The following LYPD6 variants were observed in gnomAD, a reference collection of about 807,000 sequenced individuals.
LYPD6 encodes the protein ly6/PLAUR domain-containing protein 6.
A neutral mutation model predicts 22.7 loss-of-function variants in LYPD6; 15 were observed. The ratio of observed to expected loss-of-function variants is 0.66; its 90% confidence interval spans 0.44 to 1.02. The LOEUF (loss-of-function observed/expected upper bound fraction) is 1.02, where lower values mean the gene tolerates loss of function less well. LYPD6 is among the 50% of genes least tolerant of loss of function. The probability of loss-of-function intolerance (pLI) is 0.00; values close to 1 mark genes in which losing one functional copy is unlikely to be tolerated. For synonymous variants in LYPD6, 72 were observed against 77.5 expected (o/e 0.93, Z 0.37); for missense variants, 189 against 208.4 (o/e 0.91, Z 0.57).
At chr2:149,360,306 C>T (rs1681547086) in intron 1 of LYPD6, among the ~76,000 whole-genome samples, 1 of 152,178 alleles carries the variant, frequency 6.6e-6, no homozygotes, top group South Asian at 2.1e-4. Context: ...TTTGTACCAG[C>T]CTCCTATCTC....
rs538078416 is a variant in LYPD6 at position 149,470,486 on chromosome 2, G to A, written c.349-197G>A. On this transcript the variant is annotated intron_variant, in intron 4 of 4. Transcript: ENST00000334166. ...CTAGCTCTCTTGAAGTTTGGCCTGG[G>A]GAGTTTTCATGTTGACCAGATTGCT... Among the ~76,000 whole-genome samples, 5 of 152,090 alleles carry A rather than the reference G, an allele frequency of 3.3e-5. No individual in the cohort carries two copies. In the East Asian group the frequency reaches 7.7e-4, roughly 23 times the overall value.
intron 1 of LYPD6, among the ~76,000 whole-genome samples, chr2:149,424,632 G>A (rs905006395): frequency 2.0e-5 from 3 of 152,104 alleles, no homozygotes; most frequent in African/African-American, 7.2e-5. Flanking sequence ...GGGGATGGGA[G>A]GCTTTCTAAA....
chr2:149,375,714 T>A (rs1022056880), intron 1 of LYPD6, among the ~76,000 whole-genome samples: 4 of 152,194 alleles, frequency 2.6e-5, no homozygotes, highest in African/African-American at 9.6e-5. Context: ...ACAGTGTTGT[T>A]ATTATTGCTG....
Position 149,383,649 on chromosome 2 carries a change from C to T in LYPD6, c.-72+52927C>T, listed in dbSNP as rs143052435. Among the ~76,000 whole-genome samples the T allele has an allele frequency of 5.6e-3, 846 of 152,256 alleles. 5 individuals are homozygous for T. Among genetic ancestry groups the T allele is most frequent in the Non-Finnish European group, 7.4e-3 (503 of 68,000 alleles). ...AAGCCTTCCATGTACTGTGTAAAAA[C>T]CATAGAAAGAACCAGTTTGGTAAAT... On this transcript the variant is annotated intron_variant, in intron 1 of 4. Transcript: ENST00000334166.
intron 1 of LYPD6, among the ~76,000 whole-genome samples, chr2:149,353,593 A>C (rs1452900965): frequency 6.6e-6 from 1 of 152,206 alleles, no homozygotes; most frequent in Admixed American, 6.5e-5. Flanking sequence ...TTTTACTTAC[A>C]GATGGTCGGT....
chr2:149,478,963 C>G (rs1681482266), downstream of LYPD6, among the ~76,000 whole-genome samples: 1 of 152,128 alleles, frequency 6.6e-6, no homozygotes, highest in Admixed American at 6.5e-5. Context: ...CTCTTTAGTA[C>G]CCTCTACAGC....
intron 1 of LYPD6, among the ~76,000 whole-genome samples, chr2:149,335,178 C>T (rs1183338625): frequency 6.6e-6 from 1 of 151,898 alleles, no homozygotes; most frequent in Admixed American, 6.6e-5. Flanking sequence ...TCAGGCAGGT[C>T]CTTCAGGAGG....
At chr2:149,336,679 G>A (rs1681040428) in intron 1 of LYPD6, among the ~76,000 whole-genome samples, 1 of 152,130 alleles carries the variant, frequency 6.6e-6, no homozygotes, top group Non-Finnish European at 1.5e-5. Flanking sequence ...TATGGGATTG[G>A]AAGTGATTTT....
intron 3 of LYPD6, among the ~76,000 whole-genome samples, chr2:149,452,704 T>A (rs1350284016): frequency 6.6e-6 from 1 of 152,250 alleles, no homozygotes; most frequent in East Asian, 1.9e-4. Context: ...ATTCACTGAA[T>A]GTCAAGAATT....
intron 1 of LYPD6, among the ~76,000 whole-genome samples, chr2:149,424,927 G>C (rs1226295253): frequency 1.3e-5 from 2 of 152,096 alleles, no homozygotes; most frequent in Non-Finnish European, 2.9e-5. Context: ...ACAGAATTGG[G>C]CCCTAGTTGC....
intron 1 of LYPD6, chr2:149,368,037 TATGGAAGAGACACAG>T (rs1318943486): frequency 6.6e-6 from 1 of 152,156 alleles, no homozygotes; most frequent in African/African-American, 2.4e-5. Flanking sequence ...CTTACAGTCT[TATGGAAGAGACACAG>T]ATGGAAGTGC....
the LYPD6 span, among the ~76,000 whole-genome samples, chr2:149,479,909 C>A: frequency 6.6e-6 from 1 of 152,128 alleles, no homozygotes; most frequent in African/African-American, 2.4e-5. Context: ...TCTCTATGGG[C>A]CAGCAAGTCC....
chr2:149,476,723 T>C (rs1681453540), downstream of LYPD6, among the ~76,000 whole-genome samples: 1 of 152,228 alleles, frequency 6.6e-6, no homozygotes, highest in South Asian at 2.1e-4. Flanking sequence ...GTCTTGCTCC[T>C]CTTCCATCTA....
chr2:149,407,246 G>A lies in LYPD6; in HGVS notation c.-71-30392G>A, dbSNP rs561664866. On this transcript the variant is annotated intron_variant, in intron 1 of 4. Coordinates refer to ENST00000334166, the MANE Select transcript of LYPD6 (RefSeq NM_194317.5). ...TCTTCTGGAGGAGTATCTTTGTGGCGTTCTCTGTATTTCCTGAATCTGAAT... is the reference window on the plus strand; with the variant it reads ...TCTTCTGGAGGAGTATCTTTGTGGCATTCTCTGTATTTCCTGAATCTGAAT... Among the ~76,000 whole-genome samples the A allele has an allele frequency of 4.6e-5, 7 of 152,184 alleles. 1 individual carries two copies. The highest frequency in any genetic ancestry group is 2.0e-4 in the Admixed American group (3 of 15,286).
At chr2:149,421,660 T>C (rs1192589590) in intron 1 of LYPD6, among the ~76,000 whole-genome samples, 1 of 152,202 alleles carries the variant, frequency 6.6e-6, no homozygotes, top group Non-Finnish European at 1.5e-5. Context: ...ATTTTCCATG[T>C]AACCAATGTA....
chr2:149,362,233 T>A (rs1246048859), intron 1 of LYPD6, among the ~76,000 whole-genome samples: 1 of 152,116 alleles, frequency 6.6e-6, no homozygotes, highest in African/African-American at 2.4e-5. Context: ...GAAAAATATT[T>A]TTTTCTCTAC....
chr2:149,479,588 C>T, the LYPD6 span, among the ~76,000 whole-genome samples: 1 of 152,172 alleles, frequency 6.6e-6, no homozygotes, highest in Non-Finnish European at 1.5e-5. Flanking sequence ...TTGTGTGGAC[C>T]AGAAACCTGG....
rs1681369182 is a variant in LYPD6, at chr2:149,472,669, T to C, written c.*1819T>C. On this transcript the variant is annotated 3_prime_UTR_variant, in exon 5 of 5. Coordinates refer to ENST00000334166, the MANE Select transcript of LYPD6 (RefSeq NM_194317.5). The stretch of plus-strand genomic sequence containing the variant: ...AGCAAGACATTTATTAAGCACCTCG[T>C]ATGTGCCAGGCACTATGCTAAGCAC... 6.6e-6 allele frequency: 1 copy of C among 152,654 alleles called. No homozygotes were observed. Among genetic ancestry groups the C allele is most frequent in the Admixed American group, 6.5e-5 (1 of 15,276 alleles). The allele number at this position is 152,654 out of a possible 1,614,324, so 9.5% of individuals were successfully genotyped here.
At chr2:149,467,645 A>T (rs1681230834) in intron 3 of LYPD6, among the ~76,000 whole-genome samples, 1 of 152,210 alleles carries the variant, frequency 6.6e-6, no homozygotes, top group South Asian at 2.1e-4. Flanking sequence ...CATATTAGCC[A>T]CTAAATATCT....
Sources: allele counts gnomAD v4.1 joint callset (sites outside exome capture counted in the v4.1 genomes callset), GRCh38; gene constraint gnomAD v4.1.1; transcripts MANE v1.5; gene names NCBI Gene and HGNC (gene_info 2026-07-23, HGNC 2026-07-21).